Variants in E2F3 observed in about 807,000 individuals in gnomAD.
E2F3 encodes the protein E2F transcription factor 3, also known as transcription factor E2F3.
A neutral mutation model predicts 44.4 loss-of-function variants in E2F3; 11 were observed. That is an observed-to-expected ratio of 0.25 (90% CI 0.16 to 0.41). The LOEUF is 0.41. E2F3 is among the 10% of genes least tolerant of loss of function. The pLI, the probability that E2F3 is intolerant of heterozygous loss-of-function variation, is 1.00. For synonymous variants in E2F3, 249 were observed against 253.0 expected (o/e 0.98, Z 0.15); for missense variants, 487 against 583.6 (o/e 0.83, Z 1.70).
intron 1 of E2F3, among the ~76,000 whole-genome samples, chr6:20,419,565 AC>A: frequency 1.3e-5 from 2 of 151,794 alleles, no homozygotes; most frequent in Non-Finnish European, 2.9e-5. Flanking sequence ...TTACTTACTT[AC>A]TTACTTACTT....
intron 3 of E2F3, 51 bp from the exon 4 acceptor site, chr6:20,482,711 T>C: frequency 1.3e-6 from 2 of 1,519,772 alleles, no homozygotes; most frequent in South Asian, 1.3e-5. Context: ...TCATTTCTCC[T>C]TCCCCTCCCT....
chr6:20,456,817 C>T (rs1003596580), intron 1 of E2F3, among the ~76,000 whole-genome samples: 4 of 152,122 alleles, frequency 2.6e-5, no homozygotes, highest in African/African-American at 9.7e-5. Context: ...TTTAAATAAC[C>T]AGATAATTAC....
At chr6:20,465,394 C>A (rs184979376) in intron 1 of E2F3, among the ~76,000 whole-genome samples, 166 of 152,316 alleles carry the variant, frequency 1.1e-3, no homozygotes, top group Admixed American at 2.8e-3. Context: ...ATCTATCCAG[C>A]CTTCCACAGT....
chr6:20,421,162 A>G (rs1336223037), intron 1 of E2F3, among the ~76,000 whole-genome samples: 4 of 152,144 alleles, frequency 2.6e-5, no homozygotes, highest in South Asian at 2.1e-4. Context: ...CTTCCACCAC[A>G]TCGGCAGTTT....
At chr6:20,417,144 A>G (rs991703211) in intron 1 of E2F3, among the ~76,000 whole-genome samples, 2 of 152,230 alleles carry the variant, frequency 1.3e-5, no homozygotes, top group African/African-American at 4.8e-5. Context: ...CAAATTGCCA[A>G]CTGGATGGAC....
chr6:20,486,274 C>T (rs1307445587), intron 4 of E2F3, among the ~76,000 whole-genome samples: 1 of 151,940 alleles, frequency 6.6e-6, no homozygotes, highest in Non-Finnish European at 1.5e-5. Context: ...GAAGGGGAGA[C>T]ATACACATAC....
Position 20,404,528 on chromosome 6 carries a change from T to TC in E2F3, c.393+1904dup, listed in dbSNP as rs1380132817. ...CCAAATGGGTTTAATTTTTGGAGAA[T>TC]CAAGATTTTGCGGGAGTCTTTAAGA... is the stretch of plus-strand genomic sequence containing the variant. On this transcript the variant is annotated intron_variant, in intron 1 of 6. Coordinates refer to ENST00000346618, the MANE Select transcript of E2F3 (RefSeq NM_001949.5). Among the ~76,000 whole-genome samples the TC allele has an allele frequency of 1.2e-4, 18 of 152,326 alleles. No homozygotes were observed. The South Asian group carries it at 3.3e-3, about 28-fold the overall frequency.
chr6:20,466,025 CTG>C (rs1487025396), intron 1 of E2F3, among the ~76,000 whole-genome samples: 3 of 149,076 alleles, frequency 2.0e-5, no homozygotes, highest in African/African-American at 7.4e-5. Context: ...AATCCCCACA[CTG>C]TTTTCCATAG....
intron 4 of E2F3, among the ~76,000 whole-genome samples, chr6:20,483,527 G>A (rs1762299155): frequency 6.6e-6 from 1 of 152,176 alleles, no homozygotes. Context: ...CAAGACCTGA[G>A]AAACCCCTCT....
At chr6:20,489,439 T>G (rs1344582187) in intron 6 of E2F3, among the ~76,000 whole-genome samples, 1 of 151,070 alleles carries the variant, frequency 6.6e-6, no homozygotes, top group East Asian at 2.0e-4. Flanking sequence ...GCCACTACAC[T>G]CCAGCGTAGA....
At chr6:20,470,205 A>C (rs1208187774) in intron 1 of E2F3, among the ~76,000 whole-genome samples, 1 of 152,018 alleles carries the variant, frequency 6.6e-6, no homozygotes, top group Non-Finnish European at 1.5e-5. Context: ...TTCTCCATGC[A>C]CCCCTCTTCA....
chr6:20,475,677 T>C (rs1762021605), intron 1 of E2F3, among the ~76,000 whole-genome samples: 1 of 152,160 alleles, frequency 6.6e-6, no homozygotes, highest in Admixed American at 6.5e-5. Context: ...ACTTTTTGTA[T>C]TTTTAGTAGA....
chr6:20,453,150 A>G (rs1761189280), intron 1 of E2F3, among the ~76,000 whole-genome samples: 2 of 152,100 alleles, frequency 1.3e-5, no homozygotes, highest in African/African-American at 4.8e-5. Flanking sequence ...ATGATCTTCA[A>G]ATTTTTCTTG....
intron 1 of E2F3, among the ~76,000 whole-genome samples, chr6:20,464,266 T>A (rs939187402): frequency 1.3e-5 from 2 of 152,228 alleles, no homozygotes; most frequent in African/African-American, 4.8e-5. Flanking sequence ...AAATGCATCA[T>A]AAACACAGCA....
At chr6:20,422,731 G>A (rs768434080) in intron 1 of E2F3, among the ~76,000 whole-genome samples, 1 of 152,182 alleles carries the variant, frequency 6.6e-6, no homozygotes, top group Non-Finnish European at 1.5e-5. Context: ...GGTACAGCTG[G>A]AAGGTGGAGC....
intron 1 of E2F3, among the ~76,000 whole-genome samples, chr6:20,424,210 GGT>G (rs57286350): frequency 0.034 from 4,635 of 136,890 alleles, 84 homozygotes; most frequent in African/African-American, 0.042. Flanking sequence ...TCAGTGGAAG[GGT>G]GTGTGTGTGT....
intron 1 of E2F3, among the ~76,000 whole-genome samples, chr6:20,419,567 T>A (rs1759956922): frequency 6.6e-6 from 1 of 152,100 alleles, no homozygotes; most frequent in Admixed American, 6.6e-5. Flanking sequence ...ACTTACTTAC[T>A]TACTTACTTA....
chr6:20,414,070 C>T (rs891060606), intron 1 of E2F3, among the ~76,000 whole-genome samples: 9 of 152,038 alleles, frequency 5.9e-5, no homozygotes, highest in African/African-American at 1.9e-4. Context: ...GGCTGAGCAC[C>T]GGAAGTGGGA....
chr6:20,482,354 T>TC (rs1762254139), intron 3 of E2F3, among the ~76,000 whole-genome samples: 1 of 150,422 alleles, frequency 6.6e-6, no homozygotes, highest in African/African-American at 2.4e-5. Context: ...TTTTTTTTTT[T>TC]TTTAATTTTG....
Sources: gnomAD v4.1 joint callset for allele counts (sites outside exome capture counted in the v4.1 genomes callset) on GRCh38, gnomAD v4.1.1 for gene constraint, MANE v1.5 for transcripts, NCBI Gene and HGNC (gene_info 2026-07-23, HGNC 2026-07-21) for gene names.